Variants in ABHD18 observed in about 807,000 individuals in gnomAD.
ABHD18 encodes abhydrolase domain containing 18, also known as cardiolipin-specific deacylase, mitochondrial.
A neutral mutation model predicts 65.9 loss-of-function variants in ABHD18; 55 were observed. The ratio of observed to expected loss-of-function variants is 0.84; its 90% CI spans 0.67 to 1.05. The LOEUF is 1.05. Ranked by LOEUF, ABHD18 falls within the 50% of genes least tolerant of loss-of-function variation. The pLI, the probability that ABHD18 is intolerant of heterozygous loss-of-function variation, is 0.00. For synonymous variants in ABHD18, 181 were observed against 180.2 expected (o/e 1.00, Z -0.04); for missense variants, 533 against 558.5 (o/e 0.95, Z 0.46).
At chr4:128,033,400 G>C (rs571546095) in intron 12 of ABHD18, among the ~76,000 whole-genome samples, 129 of 151,756 alleles carry the variant, frequency 8.5e-4, no homozygotes, top group African/African-American at 2.9e-3. Flanking sequence ...CCTTCTTATG[G>C]TTCATTATAA....
chr4:128,001,737 T>C, intron 4 of ABHD18: 1 of 1,548,954 alleles, frequency 6.5e-7, no homozygotes, highest in Non-Finnish European at 8.7e-7. Flanking sequence ...AAATGCTTGA[T>C]ACCAACTTGA....
chr4:128,013,730 T>G (rs1754988386), intron 7 of ABHD18, among the ~76,000 whole-genome samples: 1 of 151,666 alleles, frequency 6.6e-6, no homozygotes, highest in South Asian at 2.1e-4. Context: ...CTTGGATGTG[T>G]CAAATTTGTA....
intron 4 of ABHD18, among the ~76,000 whole-genome samples, chr4:127,992,296 A>AC (rs1457468896): frequency 1.3e-5 from 2 of 152,178 alleles, no homozygotes; most frequent in East Asian, 1.9e-4. Flanking sequence ...ACATAGTGAA[A>AC]CCCCGTCTCT....
intron 4 of ABHD18, among the ~76,000 whole-genome samples, chr4:127,995,686 G>T (rs1035872531): frequency 1.3e-5 from 2 of 152,072 alleles, no homozygotes; most frequent in African/African-American, 4.8e-5. Context: ...ATATAAGTAT[G>T]TAACTAAGTA....
At chr4:128,024,846 C>T (rs990047456) in intron 10 of ABHD18, among the ~76,000 whole-genome samples, 12 of 152,118 alleles carry the variant, frequency 7.9e-5, no homozygotes, top group African/African-American at 2.9e-4. Context: ...GCATGTGCCA[C>T]CACGCCCGGC....
intron 4 of ABHD18, among the ~76,000 whole-genome samples, chr4:128,002,250 G>A (rs1752777905): frequency 6.6e-6 from 1 of 152,014 alleles, no homozygotes; most frequent in Non-Finnish European, 1.5e-5. Context: ...ACTCCAGCCT[G>A]GGCAACAGAG....
chr4:128,003,847 A>G (rs1428167688), intron 4 of ABHD18, among the ~76,000 whole-genome samples: 1 of 151,054 alleles, frequency 6.6e-6, no homozygotes, highest in Admixed American at 6.6e-5. Flanking sequence ...TGGGAGGCTG[A>G]GGCTGACGAT....
At chr4:127,991,907 T>C (rs1750992970) in intron 4 of ABHD18, among the ~76,000 whole-genome samples, 1 of 152,220 alleles carries the variant, frequency 6.6e-6, no homozygotes, top group African/African-American at 2.4e-5. Context: ...AGTGGTTTGA[T>C]TGACCTGATT....
intron 4 of ABHD18, among the ~76,000 whole-genome samples, chr4:127,999,985 A>G (rs982122910): frequency 6.6e-6 from 1 of 152,196 alleles, no homozygotes; most frequent in Admixed American, 6.6e-5. Flanking sequence ...CGGAAGGTGA[A>G]AGGCACATCT....
chr4:127,989,717 T>G lies in ABHD18; in HGVS notation c.178-4T>G. The G allele has an allele frequency of 6.4e-7, 1 of 1,560,644 alleles. No individual in the cohort carries two copies. ...CATACATCTTGGTTTTGATTTTCTT[T>G]TAGATTGAAGAGCAATCAGATTGTA... On this transcript the variant is annotated splice_region_variant and splice_polypyrimidine_tract_variant and intron_variant, in intron 3 of 12. Coordinates refer to ENST00000645843, the MANE Select transcript of ABHD18 (RefSeq NM_001358451.3).
chr4:127,990,146 T>C (rs1418088362), intron 4 of ABHD18, among the ~76,000 whole-genome samples: 1 of 152,212 alleles, frequency 6.6e-6, no homozygotes, highest in Non-Finnish European at 1.5e-5. Flanking sequence ...TACAAATGAT[T>C]TTTTAGTTCC....
intron 3 of ABHD18, 106 bp from the exon 4 acceptor site, chr4:127,989,615 G>A (rs892466863): frequency 8.9e-6 from 6 of 677,294 alleles, no homozygotes; most frequent in Admixed American, 3.5e-5. Context: ...AGTAGGTGCT[G>A]AAAACATGAT....
chr4:128,035,742 T>C lies in ABHD18; in HGVS notation c.1344-20T>C. ...CTTTTTGTTAGTTACTTAGAGTTTT[T>C]CTTTCATATTTAATTTTAGACAAGC... On this transcript the variant is annotated intron_variant, in intron 12 of 12. Transcript: ENST00000645843. 6.8e-7 allele frequency: 1 copy of C among 1,466,296 alleles called. No homozygotes were observed. Among genetic ancestry groups the C allele is most frequent in the Non-Finnish European group, 9.3e-7 (1 of 1,080,436 alleles). 90.8% of individuals were successfully genotyped at this position (1,466,296 alleles called of 1,614,324 possible). A position where few individuals can be genotyped will look rare whatever the true frequency, so the allele number is the denominator to read the frequency against.
intron 3 of ABHD18, among the ~76,000 whole-genome samples, chr4:127,988,924 G>A (rs1185519759): frequency 6.6e-6 from 1 of 152,110 alleles, no homozygotes; most frequent in Non-Finnish European, 1.5e-5. Flanking sequence ...CCCCCACTGG[G>A]TATATATGAA....
intron 12 of ABHD18, chr4:128,031,094 T>C: frequency 1.0e-6 from 1 of 989,348 alleles, no homozygotes; most frequent in Non-Finnish European, 1.2e-6. Context: ...TATTGAACCT[T>C]AAATAAGAAG....
In ABHD18 at chr4:128,035,846, A is replaced by T; in HGVS notation, c.*33A>T. 5 of 1,410,494 alleles carry T rather than the reference A, an allele frequency of 3.5e-6. No individual in the cohort carries two copies. Among genetic ancestry groups the T allele is most frequent in the Non-Finnish European group, 4.8e-6 (5 of 1,038,548 alleles). 87.4% of individuals were successfully genotyped at this position (1,410,494 alleles called of 1,614,324 possible). The stretch of plus-strand genomic sequence containing the variant: ...ATTATATGTAACCAGTGTGGCCATG[A>T]TGTTTCTTACAAAAGGGAGCTTCAT... On this transcript the variant is annotated 3_prime_UTR_variant, in exon 13 of 13. Transcript: ENST00000645843.
At chr4:128,035,370 G>A (rs898773822) in intron 12 of ABHD18, among the ~76,000 whole-genome samples, 44 of 152,180 alleles carry the variant, frequency 2.9e-4, no homozygotes, top group African/African-American at 9.9e-4. Context: ...CCAGGAGTTC[G>A]AGACCAGCCT....
intron 11 of ABHD18, among the ~76,000 whole-genome samples, chr4:128,029,935 T>C (rs1260122064): frequency 6.6e-6 from 1 of 152,118 alleles, no homozygotes; most frequent in Non-Finnish European, 1.5e-5. Flanking sequence ...GGCACTGAGC[T>C]ATGATTGCAC....
At chr4:127,974,424 G>A (rs1747501394) in intron 1 of ABHD18, among the ~76,000 whole-genome samples, 1 of 151,816 alleles carries the variant, frequency 6.6e-6, no homozygotes, top group South Asian at 2.1e-4. Flanking sequence ...GGCCTGGAGT[G>A]CAGTAGCCAT....
Sources: allele counts gnomAD v4.1 joint callset (sites outside exome capture counted in the v4.1 genomes callset), GRCh38; gene constraint gnomAD v4.1.1; transcripts MANE v1.5; gene names NCBI Gene and HGNC (gene_info 2026-07-23, HGNC 2026-07-21).